Variants in RBMS2 observed in about 807,000 individuals in gnomAD.
RBMS2 encodes RNA-binding motif, single-stranded-interacting protein 2.
In RBMS2, 38 loss-of-function variants were observed where a neutral mutation model predicts 58.4. The ratio of observed to expected loss-of-function variants is 0.65; its 90% confidence interval spans 0.50 to 0.85. RBMS2 has a LOEUF of 0.85. RBMS2 is among the 40% of genes least tolerant of loss of function. The probability of loss-of-function intolerance (pLI) is 0.00; values close to 1 mark genes in which losing one functional copy is unlikely to be tolerated. For synonymous variants in RBMS2, 151 were observed against 180.7 expected (o/e 0.84, Z 1.32); for missense variants, 367 against 503.7 (o/e 0.73, Z 2.60).
In RBMS2 at chr12:56,531,601, G is replaced by A. The variant is rs546987311; in HGVS notation, c.66+9512G>A. On this transcript the variant is annotated intron_variant, in intron 1 of 13. Coordinates refer to ENST00000262031, the MANE Select transcript of RBMS2 (RefSeq NM_002898.4). ...CCCAGCACTTTGGGAGGCTGAGGCG[G>A]GCGGATCAGAGGTCAGGAGTTCGAG... is the stretch of plus-strand genomic sequence containing the variant. 3.3e-5 allele frequency among the ~76,000 whole-genome samples: 5 copies of A among 152,040 alleles called. No individual in the cohort carries two copies. The South Asian group carries it at 1.0e-3, about 32-fold the overall frequency.
At position 56,589,120 on chromosome 12, in the gene RBMS2, C is replaced by T. The variant is rs1471684378; in HGVS notation, c.*7-20C>T. 1.9e-6 allele frequency: 3 copies of T among 1,581,214 alleles called. No individual in the cohort carries two copies. The East Asian group carries it at 7.0e-5, about 37-fold the overall frequency. On this transcript the variant is annotated intron_variant, in intron 13 of 13. Transcript: ENST00000262031. The stretch of plus-strand genomic sequence containing the variant: ...TTCTCATGTTTGTCTTGTCTCCTCT[C>T]TGGCTTGTGCCTTCTTTAGGATTCC...
chr12:56,581,300 G>A (rs1326142386), intron 6 of RBMS2, 37 bp downstream of exon 6: 1 of 1,584,072 alleles, frequency 6.3e-7, no homozygotes, highest in South Asian at 1.1e-5. Context: ...AGGGCCACAG[G>A]TTGTTACTTC....
intron 1 of RBMS2, among the ~76,000 whole-genome samples, chr12:56,537,214 C>T (rs1019973995): frequency 6.6e-6 from 1 of 152,192 alleles, no homozygotes; most frequent in Non-Finnish European, 1.5e-5. Flanking sequence ...AGGCGCCCAC[C>T]TTGCCTGGCT....
intron 10 of RBMS2, 135 bp from the exon 11 acceptor site, chr12:56,587,419 T>C: frequency 1.2e-6 from 1 of 833,034 alleles, no homozygotes; most frequent in Non-Finnish European, 1.8e-6. Flanking sequence ...TGTTGCATAG[T>C]TGGGTTGCTG....
intron 1 of RBMS2, among the ~76,000 whole-genome samples, chr12:56,558,013 A>G (rs886760594): frequency 1.5e-5 from 2 of 131,396 alleles, no homozygotes; most frequent in Non-Finnish European, 3.1e-5. Context: ...TACTGGGATT[A>G]CAGGCATGAG....
chr12:56,547,660 T>TG (rs1189469462), intron 1 of RBMS2, among the ~76,000 whole-genome samples: 3 of 151,200 alleles, frequency 2.0e-5, no homozygotes, highest in Non-Finnish European at 4.4e-5. Flanking sequence ...TTCTTTTTTT[T>TG]TTTTTTTGAG....
At chr12:56,562,270 T>A (rs901740958) in intron 1 of RBMS2, 147 bp from the exon 2 acceptor site, 2 of 700,358 alleles carry the variant, frequency 2.9e-6, no homozygotes, top group Non-Finnish European at 4.7e-6. Context: ...AATATAGAGC[T>A]AAGGAACAAA....
At chr12:56,537,792 C>G (rs955805988) in intron 1 of RBMS2, among the ~76,000 whole-genome samples, 2 of 150,914 alleles carry the variant, frequency 1.3e-5, no homozygotes, top group African/African-American at 4.9e-5. Flanking sequence ...CTGTTTTCAA[C>G]ACTGCACAAG....
At chr12:56,527,346 T>C (rs1357935012) in intron 1 of RBMS2, among the ~76,000 whole-genome samples, 1 of 152,208 alleles carries the variant, frequency 6.6e-6, no homozygotes. Flanking sequence ...GCGCAGTGGC[T>C]CACGCCTGTA....
At position 56,594,773 on chromosome 12, in the gene RBMS2, ACCTT is replaced by A. The variant is rs1311184991; in HGVS notation, c.*5642_*5645del. Reference sequence around the variant, plus strand: ...TGACCTGTCCACTTGTTTTGAATAAACCTTCATTCTCCAAGCAGATCCCCAAACT... The same window carrying A: ...TGACCTGTCCACTTGTTTTGAATAAACATTCTCCAAGCAGATCCCCAAACT... On this transcript the variant is annotated 3_prime_UTR_variant, in exon 14 of 14. Coordinates refer to ENST00000262031, the MANE Select transcript of RBMS2 (RefSeq NM_002898.4). 6.6e-6 allele frequency: 1 copy of A among 152,056 alleles called. No individual in the cohort carries two copies. The highest frequency in any genetic ancestry group is 1.5e-5 in the Non-Finnish European group (1 of 68,038). 9.4% of individuals were successfully genotyped at this position (152,056 alleles called of 1,614,324 possible). A position where few individuals can be genotyped will look rare whatever the true frequency, so the allele number is the denominator to read the frequency against.
intron 1 of RBMS2, among the ~76,000 whole-genome samples, chr12:56,537,621 C>T (rs1449334037): frequency 6.6e-6 from 1 of 152,142 alleles, no homozygotes; most frequent in African/African-American, 2.4e-5. Flanking sequence ...TTGCTTCTGC[C>T]TTTTGGCTGT....
In RBMS2 at chr12:56,592,533, C is replaced by CA. The variant is rs780733248; in HGVS notation, c.*3401dup. The CA allele has an allele frequency of 6.6e-6, 1 of 152,168 alleles. No homozygotes were observed. Among genetic ancestry groups the CA allele is most frequent in the Non-Finnish European group, 1.5e-5 (1 of 68,094 alleles). 9.4% of individuals were successfully genotyped at this position (152,168 alleles called of 1,614,324 possible). A position where few individuals can be genotyped will look rare whatever the true frequency, so the allele number is the denominator to read the frequency against. On this transcript the variant is annotated 3_prime_UTR_variant, in exon 14 of 14. Coordinates refer to ENST00000262031, the MANE Select transcript of RBMS2 (RefSeq NM_002898.4). ...TTTTATTTTATTTTATTTTTTCAGA[C>CA]AGAGTCTTGCTCTGTCGCCCAGGCT...
In RBMS2 at chr12:56,589,405, A is replaced by G; in HGVS notation, c.*272A>G. 1.1e-6 allele frequency: 1 copy of G among 896,034 alleles called. No homozygotes were observed. Among genetic ancestry groups the G allele is most frequent in the Non-Finnish European group, 1.4e-6 (1 of 699,400 alleles). 55.5% of individuals were successfully genotyped at this position (896,034 alleles called of 1,614,324 possible). A position where few individuals can be genotyped will look rare whatever the true frequency, so the allele number is the denominator to read the frequency against. ...CAAAAAAACTTTTCTTCTTTTGCAAAGAAAGCTTTTTGTTTTTAACTGCAA... is the reference window on the plus strand; with the variant it reads ...CAAAAAAACTTTTCTTCTTTTGCAAGGAAAGCTTTTTGTTTTTAACTGCAA... On this transcript the variant is annotated 3_prime_UTR_variant, in exon 14 of 14. Coordinates refer to ENST00000262031, the MANE Select transcript of RBMS2 (RefSeq NM_002898.4).
At position 56,595,301 on chromosome 12, in the gene RBMS2, G is replaced by GTAA. The variant is rs1178377523; in HGVS notation, c.*6171_*6173dup. 6.6e-6 allele frequency: 1 copy of GTAA among 152,160 alleles called. No homozygotes were observed. Among genetic ancestry groups the GTAA allele is most frequent in the African/African-American group, 2.4e-5 (1 of 41,416 alleles). The allele number at this position is 152,160 out of a possible 1,614,324, so 9.4% of individuals were successfully genotyped here. On this transcript the variant is annotated 3_prime_UTR_variant, in exon 14 of 14. Transcript: ENST00000262031. ...CAAGACAAAGTTTCCAGGCTGGAGGGTAATACATATCCAGCGCGAGTGAAG... is the reference window on the plus strand; with the variant it reads ...CAAGACAAAGTTTCCAGGCTGGAGGGTAATAATACATATCCAGCGCGAGTGAAG...
intron 5 of RBMS2, among the ~76,000 whole-genome samples, chr12:56,577,713 C>G (rs1283476005): frequency 6.6e-6 from 1 of 151,766 alleles, no homozygotes; most frequent in African/African-American, 2.4e-5. Flanking sequence ...GATGGAGTTT[C>G]ACTCTGTCGC....
chr12:56,523,684 T>C (rs1872153584), intron 1 of RBMS2, among the ~76,000 whole-genome samples: 1 of 152,102 alleles, frequency 6.6e-6, no homozygotes, highest in Non-Finnish European at 1.5e-5. Context: ...CACTTGAACC[T>C]GGGGGACAGA....
chr12:56,573,442 A>C (rs577422758), intron 5 of RBMS2, among the ~76,000 whole-genome samples: 12 of 135,138 alleles, frequency 8.9e-5, no homozygotes, highest in African/African-American at 3.3e-4. Context: ...GCGCCATTGC[A>C]TTCCAGCCTG....
intron 1 of RBMS2, among the ~76,000 whole-genome samples, chr12:56,553,766 G>A (rs914152333): frequency 5.9e-5 from 9 of 151,486 alleles, no homozygotes; most frequent in African/African-American, 1.7e-4. Context: ...TGCATCTGAC[G>A]AAGAGTCTGT....
intron 1 of RBMS2, among the ~76,000 whole-genome samples, chr12:56,532,930 T>C (rs1185790132): frequency 1.3e-5 from 2 of 151,520 alleles, no homozygotes; most frequent in Non-Finnish European, 2.9e-5. Context: ...CTTTTTATTT[T>C]ATTTTATTTT....
Sources: allele counts gnomAD v4.1 joint callset (sites outside exome capture counted in the v4.1 genomes callset), GRCh38; gene constraint gnomAD v4.1.1; transcripts MANE v1.5; gene names NCBI Gene and HGNC (gene_info 2026-07-23, HGNC 2026-07-21).